Variants in DOCK7 observed in about 807,000 individuals in gnomAD.
DOCK7 encodes dedicator of cytokinesis 7.
A neutral mutation model predicts 271.0 loss-of-function variants in DOCK7; 138 were observed. The ratio of observed to expected loss-of-function variants is 0.51; its 90% CI spans 0.44 to 0.59. The LOEUF (loss-of-function observed/expected upper bound fraction) is 0.59. DOCK7 is among the 20% of genes least tolerant of loss of function. The probability of loss-of-function intolerance (pLI) is 0.00; values close to 1 mark genes in which losing one functional copy is unlikely to be tolerated. For missense variants in DOCK7, 2,066 were observed against 2,592.4 expected (o/e 0.80, Z 4.41); for synonymous variants, 823 against 876.1 (o/e 0.94, Z 1.07).
Position 62,468,360 on chromosome 1 carries a change from C to CAAAAA in DOCK7, c.6212+5617_6212+5621dup, listed in dbSNP as rs201784083. ...TGGGCAACAGAGCGAGACTCTGTCTCAAAAAAAAAAAAAAAAAAAGCATCA... is the reference window on the plus strand; with the variant it reads ...TGGGCAACAGAGCGAGACTCTGTCTCAAAAAAAAAAAAAAAAAAAAAAAAGCATCA... On this transcript the variant is annotated intron_variant, in intron 48 of 49. Coordinates refer to ENST00000635253, the MANE Select transcript of DOCK7 (RefSeq NM_001367561.1). 5.4e-5 allele frequency among the ~76,000 whole-genome samples: 5 copies of CAAAAA among 93,040 alleles called. 1 individual carries two copies. The highest frequency in any genetic ancestry group is 7.6e-5 in the African/African-American group (2 of 26,444). 61.0% of individuals were successfully genotyped at this position (93,040 alleles called of 152,430 possible).
At chr1:62,513,314 G>C in intron 33 of DOCK7, 130 bp downstream of exon 33, 2 of 643,740 alleles carry the variant, frequency 3.1e-6, no homozygotes, top group Non-Finnish European at 4.1e-6. Flanking sequence ...TATTACTGCA[G>C]AGAAATGATT....
At chr1:62,665,186 G>A (rs1002487088) in intron 1 of DOCK7, among the ~76,000 whole-genome samples, 3 of 151,888 alleles carry the variant, frequency 2.0e-5, no homozygotes, top group South Asian at 2.1e-4. Context: ...ACGGGGCTTC[G>A]CCATGTTGAC....
At chr1:62,622,775 A>T (rs753618807) in intron 12 of DOCK7, among the ~76,000 whole-genome samples, 17 of 152,120 alleles carry the variant, frequency 1.1e-4, no homozygotes, top group South Asian at 6.2e-4. Flanking sequence ...CTAAAAATAC[A>T]AAAAATTAGC....
At chr1:62,479,762 C>A in intron 43 of DOCK7, 1 of 369,202 alleles carries the variant, frequency 2.7e-6, no homozygotes, top group Non-Finnish European at 5.7e-6. Flanking sequence ...CAGCTCACTA[C>A]AGCTTCTGTC....
chr1:62,617,783 A>G (rs1652637536), intron 14 of DOCK7, among the ~76,000 whole-genome samples: 1 of 151,938 alleles, frequency 6.6e-6, no homozygotes, highest in Non-Finnish European at 1.5e-5. Flanking sequence ...GGTTCCCATT[A>G]TATTTCTGTT....
chr1:62,587,569 T>C (rs1647753693), intron 14 of DOCK7, among the ~76,000 whole-genome samples: 1 of 152,148 alleles, frequency 6.6e-6, no homozygotes, highest in Non-Finnish European at 1.5e-5. Flanking sequence ...CATTACAACA[T>C]TTTTGATAAG....
Position 62,515,283 on chromosome 1 carries a change from A to G in DOCK7, c.3937-1385T>C, listed in dbSNP as rs939039556. The stretch of plus-strand genomic sequence containing the variant: ...CTGCCTCTCATGGCTGCCCATGCAT[A>G]TAAGTGAATTCACCCACATAAGCTT... On this transcript the variant is annotated intron_variant, in intron 31 of 49. Transcript: ENST00000635253. 9.9e-5 allele frequency among the ~76,000 whole-genome samples: 15 copies of G among 152,264 alleles called. No individual in the cohort carries two copies. The East Asian group carries it at 1.5e-3, about 16-fold the overall frequency.
At chr1:62,562,644 T>C (rs1455606565) in intron 18 of DOCK7, among the ~76,000 whole-genome samples, 1 of 152,066 alleles carries the variant, frequency 6.6e-6, no homozygotes, top group Admixed American at 6.6e-5. Context: ...ACCTGATATA[T>C]AAATGAACAT....
chr1:62,687,788 C>T (rs1557913811), intron 1 of DOCK7: 1 of 153,052 alleles, frequency 6.5e-6, no homozygotes, highest in Non-Finnish European at 1.5e-5. Flanking sequence ...GGAGGGCGGA[C>T]CCCGCACCCT....
At chr1:62,601,137 G>C in intron 14 of DOCK7, 1 of 1,610,958 alleles carries the variant, frequency 6.2e-7, no homozygotes, top group South Asian at 1.1e-5. Context: ...TCCAAGCCAA[G>C]AGCACCAAGA....
chr1:62,482,860 AGGTTGGT>A (rs1408414007), intron 43 of DOCK7: 1 of 152,188 alleles, frequency 6.6e-6, no homozygotes, highest in African/African-American at 2.4e-5. Context: ...CATAAAAATC[AGGTTGGT>A]GGCTTACTGA....
In DOCK7 at chr1:62,513,825, T is replaced by C. The variant is rs773831670; in HGVS notation, c.4010A>G (p.Lys1337Arg). 2 of 1,614,140 alleles carry C rather than the reference T, an allele frequency of 1.2e-6. No individual in the cohort carries two copies. The highest frequency in any genetic ancestry group is 1.1e-5 in the South Asian group (1 of 91,074). ...SLLICLLWVL[K>R]NADETVLQKW... Reference sequence around the variant, plus strand: ...CTGTAGAACTGTTTCATCTGCATTTTTGAGAACCCAAAGTAGACAGATCAA... The same window carrying C: ...CTGTAGAACTGTTTCATCTGCATTTCTGAGAACCCAAAGTAGACAGATCAA... The change falls in exon 32 of 50, where the codon AAA (lysine) becomes AGA (arginine). Residue 1337 changes from lysine to arginine, a missense_variant. Lys to Arg is a conservative substitution (Grantham distance 26, BLOSUM62 2). Coordinates refer to ENST00000635253, the MANE Select transcript of DOCK7 (RefSeq NM_001367561.1).
Position 62,681,309 on chromosome 1 carries a change from C to T in DOCK7, c.38+6918G>A, listed in dbSNP as rs181976803. On this transcript the variant is annotated intron_variant, in intron 1 of 49. Transcript: ENST00000635253. Reference sequence around the variant, plus strand: ...GACAGAAAACCAAACACCACATGTTCTCACTCATAGGTGGGAATTGAACAA... The same window carrying T: ...GACAGAAAACCAAACACCACATGTTTTCACTCATAGGTGGGAATTGAACAA... Among the ~76,000 whole-genome samples the T allele has an allele frequency of 5.4e-3, 796 of 148,228 alleles. 11 individuals are homozygous for T. The highest frequency in any genetic ancestry group is 0.019 in the African/African-American group (749 of 40,108).
chr1:62,468,323 T>C (rs1027814677), intron 48 of DOCK7, among the ~76,000 whole-genome samples: 1 of 138,554 alleles, frequency 7.2e-6, no homozygotes, highest in Non-Finnish European at 1.5e-5. Flanking sequence ...ATCGCGCCAT[T>C]GCACTCCGGC....
At chr1:62,631,497 G>T in intron 10 of DOCK7, 92 bp from the exon 11 acceptor site, 1 of 1,145,994 alleles carries the variant, frequency 8.7e-7, no homozygotes, top group Non-Finnish European at 1.2e-6. Flanking sequence ...AGGATGAGAA[G>T]TCTCAATTCT....
chr1:62,518,870 G>C (rs1644757359), intron 31 of DOCK7, among the ~76,000 whole-genome samples: 1 of 151,894 alleles, frequency 6.6e-6, no homozygotes, highest in Non-Finnish European at 1.5e-5. Context: ...AAATGGATTA[G>C]AAACTCTAGT....
At chr1:62,541,535 T>A (rs1050304627) in intron 25 of DOCK7, among the ~76,000 whole-genome samples, 9 of 152,222 alleles carry the variant, frequency 5.9e-5, no homozygotes, top group African/African-American at 1.7e-4. Context: ...ACATTTATGA[T>A]GATCCACTTC....
chr1:62,476,404 A>G (rs1645969323), intron 44 of DOCK7, among the ~76,000 whole-genome samples: 1 of 152,202 alleles, frequency 6.6e-6, no homozygotes, highest in African/African-American at 2.4e-5. Flanking sequence ...TCAGAAAACA[A>G]CAATTTTCTC....
intron 29 of DOCK7, among the ~76,000 whole-genome samples, chr1:62,529,899 T>G (rs910313776): frequency 1.3e-5 from 2 of 152,228 alleles, no homozygotes; most frequent in Non-Finnish European, 2.9e-5. Context: ...ATGGATTATG[T>G]AGCCCACAGG....
Sources: gnomAD v4.1 joint callset for allele counts (sites outside exome capture counted in the v4.1 genomes callset) on GRCh38, gnomAD v4.1.1 for gene constraint, MANE v1.5 for transcripts, NCBI Gene and HGNC (gene_info 2026-07-23, HGNC 2026-07-21) for gene names.